Variants in SHC4 observed in about 807,000 individuals in gnomAD.
SHC4 encodes SHC adaptor protein 4.
In SHC4, 41 loss-of-function variants were observed where a neutral mutation model predicts 69.4. The observed-to-expected ratio is 0.59, with a 90% CI of 0.46 to 0.77. The LOEUF is 0.77. SHC4 is among the 30% of genes least tolerant of loss of function. SHC4 has a pLI of 0.00. For synonymous variants in SHC4, 318 were observed against 299.3 expected, an observed-to-expected ratio of 1.06 and a Z score of -0.64; for missense variants, 777 against 783.8, an observed-to-expected ratio of 0.99 and a Z score of 0.10.
At chr15:48,830,346 T>C (rs865822525) in intron 11 of SHC4, among the ~76,000 whole-genome samples, 2 of 152,244 alleles carry the variant, frequency 1.3e-5, no homozygotes, top group African/African-American at 4.8e-5. Context: ...TTTATGTTAT[T>C]GATGTCACCA....
chr15:48,919,295 A>ATTTATTTTTTTTT (rs1900691721), intron 2 of SHC4, among the ~76,000 whole-genome samples: 1 of 71,216 alleles, frequency 1.4e-5, no homozygotes, highest in Non-Finnish European at 2.6e-5. Flanking sequence ...ATTTATTTTA[A>ATTTATTTTTTTTT]TTTTTTTTTT....
At chr15:48,889,288 G>A (rs901531925) in intron 3 of SHC4, among the ~76,000 whole-genome samples, 1 of 152,208 alleles carries the variant, frequency 6.6e-6, no homozygotes, top group South Asian at 2.1e-4. Context: ...TGGAATTTAA[G>A]AGCCATTTGT....
At chr15:48,917,207 A>AGGAAGCTG (rs1900639893) in intron 2 of SHC4, among the ~76,000 whole-genome samples, 1 of 149,200 alleles carries the variant, frequency 6.7e-6, no homozygotes, top group African/African-American at 2.5e-5. Context: ...ACTTAAGGGA[A>AGGAAGCTG]GGAAGCTGAG....
intron 10 of SHC4, among the ~76,000 whole-genome samples, chr15:48,843,181 G>T (rs1022304853): frequency 6.6e-6 from 1 of 152,182 alleles, no homozygotes; most frequent in African/African-American, 2.4e-5. Context: ...AGAGATTAGA[G>T]TGATGTGTCT....
At chr15:48,893,839 G>A (rs1039639148) in intron 2 of SHC4, among the ~76,000 whole-genome samples, 2 of 152,206 alleles carry the variant, frequency 1.3e-5, no homozygotes, top group African/African-American at 4.8e-5. Flanking sequence ...CAGGTGGGGC[G>A]TGGTGGCACA....
At chr15:48,917,613 A>T (rs1164724784) in intron 2 of SHC4, among the ~76,000 whole-genome samples, 2 of 152,116 alleles carry the variant, frequency 1.3e-5, no homozygotes, top group Non-Finnish European at 2.9e-5. Flanking sequence ...AGCCAAGGGG[A>T]TGAATGCCTG....
At chr15:48,868,846 G>C (rs1899612182) in intron 5 of SHC4, among the ~76,000 whole-genome samples, 1 of 152,026 alleles carries the variant, frequency 6.6e-6, no homozygotes, top group Admixed American at 6.5e-5. Flanking sequence ...TACGCAAAAA[G>C]AAAAAAGGTT....
intron 6 of SHC4, among the ~76,000 whole-genome samples, chr15:48,867,035 T>C (rs1048399559): frequency 2.0e-5 from 3 of 152,226 alleles, no homozygotes; most frequent in Admixed American, 2.0e-4. Flanking sequence ...CTAGGCATCA[T>C]GGTGAGTGCT....
At chr15:48,904,681 C>T (rs1197229075) in intron 2 of SHC4, among the ~76,000 whole-genome samples, 1 of 152,076 alleles carries the variant, frequency 6.6e-6, no homozygotes, top group Non-Finnish European at 1.5e-5. Context: ...AGTTTGAGAC[C>T]AGCCTGGGCA....
intron 1 of SHC4, chr15:48,946,599 A>C (rs1450937088): frequency 1.0e-6 from 1 of 984,140 alleles, no homozygotes; most frequent in East Asian, 1.1e-4. Context: ...CACACATCCC[A>C]GGCCAGAATC....
chr15:48,846,961 C>T (rs763560795), intron 9 of SHC4, among the ~76,000 whole-genome samples: 32 of 151,448 alleles, frequency 2.1e-4, no homozygotes, highest in Non-Finnish European at 3.2e-4. Flanking sequence ...TTGAAAACTG[C>T]CACCTTTAAG....
intron 9 of SHC4, among the ~76,000 whole-genome samples, chr15:48,849,544 T>G (rs1899166840): frequency 6.6e-6 from 1 of 152,222 alleles, no homozygotes; most frequent in South Asian, 2.1e-4. Context: ...TGGGAAGTCT[T>G]CAGTAAGTAG....
intron 1 of SHC4, among the ~76,000 whole-genome samples, chr15:48,928,622 G>A (rs1355909167): frequency 1.3e-5 from 2 of 152,170 alleles, no homozygotes; most frequent in African/African-American, 4.8e-5. Flanking sequence ...TCTTGGGGGT[G>A]AGAGGAATTC....
chr15:48,838,457 C>T (rs965948711), intron 10 of SHC4, among the ~76,000 whole-genome samples: 6 of 152,006 alleles, frequency 3.9e-5, no homozygotes, highest in African/African-American at 1.5e-4. Context: ...TATGAAAACT[C>T]TAAAATAAAA....
intron 11 of SHC4, among the ~76,000 whole-genome samples, chr15:48,833,898 A>C (rs934742): frequency 0.99 from 151,283 of 152,330 alleles, 75,131 homozygotes; most frequent in Middle Eastern, 1. Flanking sequence ...TGAGGTACTG[A>C]AACTTTTGAA....
intron 2 of SHC4, among the ~76,000 whole-genome samples, chr15:48,917,451 T>C (rs1372995974): frequency 6.6e-6 from 1 of 152,234 alleles, no homozygotes; most frequent in Non-Finnish European, 1.5e-5. Flanking sequence ...TTGTTTCCTT[T>C]GGATACAGTT....
intron 4 of SHC4, among the ~76,000 whole-genome samples, chr15:48,880,985 AGTGTGTGTGTGTGTGT>A (rs10523567): frequency 0.032 from 4,670 of 146,066 alleles, 270 homozygotes; most frequent in African/African-American, 0.11. Context: ...TGTGTGTGAG[AGTGTGTGTGTGTGTGT>A]GTGTGTGTGT....
Position 48,884,361 on chromosome 15 carries a change from C to G in SHC4, c.727G>C (p.Val243Leu), listed in dbSNP as rs1039560169. 1.9e-6 allele frequency: 3 copies of G among 1,584,554 alleles called. No individual in the cohort carries two copies. Among genetic ancestry groups the G allele is most frequent in the Non-Finnish European group, 2.6e-6 (3 of 1,171,246 alleles). ...NGAIKKRKPP[V>L]KFLSTVLGKS... ...CCAAGGACTGTTGATAGGAACTTAACTGGAGGCTTTAAAAATTAAAGAAGA... is the reference window on the plus strand; with the variant it reads ...CCAAGGACTGTTGATAGGAACTTAAGTGGAGGCTTTAAAAATTAAAGAAGA... The change falls in exon 4 of 12, where the codon GTT (valine) becomes CTT (leucine). Residue 243 changes from valine to leucine, a missense_variant. Coordinates refer to ENST00000332408, the MANE Select transcript of SHC4 (RefSeq NM_203349.4).
At chr15:48,911,340 G>A (rs1250995775) in intron 2 of SHC4, among the ~76,000 whole-genome samples, 2 of 152,080 alleles carry the variant, frequency 1.3e-5, no homozygotes, top group Non-Finnish European at 2.9e-5. Flanking sequence ...CTCTTTTACT[G>A]ATGTTGCTTT....
Sources: gnomAD v4.1 joint callset for allele counts (sites outside exome capture counted in the v4.1 genomes callset) on GRCh38, gnomAD v4.1.1 for gene constraint, MANE v1.5 for transcripts, NCBI Gene and HGNC (gene_info 2026-07-23, HGNC 2026-07-21) for gene names.